AKAP13: variants seen among roughly 807,000 people sequenced by gnomAD.
AKAP13 encodes the protein A-kinase anchoring protein 13.
In AKAP13, 80 loss-of-function variants were observed where a neutral mutation model predicts 264.5. That is an observed-to-expected ratio of 0.30 (90% CI 0.25 to 0.36). AKAP13 has a LOEUF of 0.36. Among genes scored for constraint, AKAP13 ranks in the 10% least tolerant of loss-of-function variants. AKAP13 has a pLI of 1.00. For missense variants in AKAP13, 3,712 were observed against 3,435.2 expected, an observed-to-expected ratio of 1.08 and a Z score of -2.01; for synonymous variants, 1,380 against 1,250.2, an observed-to-expected ratio of 1.10 and a Z score of -2.19.
At chr15:85,549,019 AC>A (rs1327446484) in intron 5 of AKAP13, among the ~76,000 whole-genome samples, 1 of 151,342 alleles carries the variant, frequency 6.6e-6, no homozygotes, top group African/African-American at 2.4e-5. Context: ...CATAAATGTT[AC>A]CCCCATTTCC....
At chr15:85,529,851 T>G (rs1465185273) in intron 3 of AKAP13, among the ~76,000 whole-genome samples, 1 of 152,236 alleles carries the variant, frequency 6.6e-6, no homozygotes, top group Non-Finnish European at 1.5e-5. Flanking sequence ...CCCTCAGGTT[T>G]TCTTTTGAAA....
rs997189473 is a variant in AKAP13, at chr15:85,550,363, C to A, written c.662+6408C>A. Among the ~76,000 whole-genome samples the A allele has an allele frequency of 2.2e-4, 33 of 152,180 alleles. 1 individual carries two copies. The highest frequency in any genetic ancestry group is 9.2e-4 in the Admixed American group (14 of 15,290). On this transcript the variant is annotated intron_variant, in intron 5 of 36. Transcript: ENST00000394518. ...CACATGTGAATGTTGAACACAGACC[C>A]AGCCTGACAAGCTCTAGGTACTCAG...
chr15:85,519,575 C>A (rs542286808), intron 2 of AKAP13, among the ~76,000 whole-genome samples: 3 of 152,180 alleles, frequency 2.0e-5, no homozygotes, highest in Non-Finnish European at 4.4e-5. Flanking sequence ...CACATTTTAC[C>A]AGGCTAAGCT....
chr15:85,505,826 A>G (rs1030154297), intron 2 of AKAP13, among the ~76,000 whole-genome samples: 5 of 152,214 alleles, frequency 3.3e-5, no homozygotes, highest in African/African-American at 4.8e-5. Flanking sequence ...TAAATAAATA[A>G]GGGTGAAGCT....
rs371446767 is a variant in AKAP13, at chr15:85,464,879, CT to C, written c.-11-20830del. On this transcript the variant is annotated intron_variant, in intron 1 of 36. Coordinates refer to ENST00000394518, the MANE Select transcript of AKAP13 (RefSeq NM_007200.5). Reference sequence around the variant, plus strand: ...GATAGGTTAATGATGAAACCAGAGACTAAACTGTAGTTTTCTCCTAAACCTG... The same window carrying C: ...GATAGGTTAATGATGAAACCAGAGACAAACTGTAGTTTTCTCCTAAACCTG... Among the ~76,000 whole-genome samples, 181 of 152,290 alleles carry C rather than the reference CT, an allele frequency of 1.2e-3. 1 individual carries two copies. The highest frequency in any genetic ancestry group is 4.2e-3 in the African/African-American group (176 of 41,572).
intron 8 of AKAP13, among the ~76,000 whole-genome samples, chr15:85,630,186 CACACACACACACACACACACACATCAT>C (rs1186995198): frequency 3.0e-4 from 23 of 76,848 alleles, no homozygotes; most frequent in African/African-American, 1.2e-3. Flanking sequence ...CACACACACA[CACACACACACACACACACACACATCAT>C]GAACTAAGAT....
intron 17 of AKAP13, among the ~76,000 whole-genome samples, chr15:85,700,690 C>A (rs922778864): frequency 2.0e-5 from 3 of 152,192 alleles, no homozygotes; most frequent in Admixed American, 1.3e-4. Context: ...AACGTACCTT[C>A]TTAAAGGTAT....
At chr15:85,402,988 G>A (rs2071495828) in intron 1 of AKAP13, among the ~76,000 whole-genome samples, 3 of 152,200 alleles carry the variant, frequency 2.0e-5, no homozygotes, top group Admixed American at 2.0e-4. Context: ...TAATAAAAGT[G>A]ATTAGCAACG....
At chr15:85,426,154 T>C (rs1036750615) in intron 1 of AKAP13, among the ~76,000 whole-genome samples, 1 of 152,238 alleles carries the variant, frequency 6.6e-6, no homozygotes, top group African/African-American at 2.4e-5. Context: ...ATTCATGTTA[T>C]GGAAATCTTC....
At chr15:85,384,639 C>T (rs1406514447) in intron 1 of AKAP13, among the ~76,000 whole-genome samples, 2 of 151,664 alleles carry the variant, frequency 1.3e-5, no homozygotes, top group Non-Finnish European at 2.9e-5. Flanking sequence ...ATCGCTTGAA[C>T]CCGGGAGGTG....
At chr15:85,483,639 A>AAAAAAAAAC (rs2075422917) in intron 1 of AKAP13, among the ~76,000 whole-genome samples, 2 of 122,224 alleles carry the variant, frequency 1.6e-5, no homozygotes, top group Non-Finnish European at 4.0e-5. Flanking sequence ...TCTCAAAAAA[A>AAAAAAAAAC]AAAAAAAAAA....
intron 2 of AKAP13, among the ~76,000 whole-genome samples, chr15:85,513,595 T>C (rs1179756720): frequency 1.3e-5 from 2 of 152,206 alleles, no homozygotes; most frequent in Non-Finnish European, 2.9e-5. Flanking sequence ...TTTTCCTTAA[T>C]TATCTGTCAG....
chr15:85,542,565 G>A lies in AKAP13; in HGVS notation c.479-1207G>A, dbSNP rs575957005. On this transcript the variant is annotated intron_variant, in intron 4 of 36. Coordinates refer to ENST00000394518, the MANE Select transcript of AKAP13 (RefSeq NM_007200.5). The stretch of plus-strand genomic sequence containing the variant: ...GTGCTTAGTGAAGAAGTTTAGACCC[G>A]TGGGAGGCCATGAAGAAAGAGATGA... 1.6e-4 allele frequency among the ~76,000 whole-genome samples: 25 copies of A among 152,272 alleles called. 1 individual carries two copies. The highest frequency in any genetic ancestry group is 6.2e-4 in the South Asian group (3 of 4,830).
At chr15:85,438,856 A>G (rs1481536114) in intron 1 of AKAP13, among the ~76,000 whole-genome samples, 2 of 150,790 alleles carry the variant, frequency 1.3e-5, no homozygotes, top group Non-Finnish European at 3.0e-5. Flanking sequence ...ACCTAAAACC[A>G]TAAAAACCCT....
intron 1 of AKAP13, among the ~76,000 whole-genome samples, chr15:85,414,475 T>C (rs776482311): frequency 5.8e-4 from 89 of 152,188 alleles, no homozygotes; most frequent in Non-Finnish European, 1.1e-3. Flanking sequence ...AAGGTTTCTA[T>C]ACATACACAA....
intron 1 of AKAP13, among the ~76,000 whole-genome samples, chr15:85,483,643 A>ACAAAAAC (rs1230625054): frequency 8.1e-5 from 12 of 148,596 alleles, no homozygotes; most frequent in South Asian, 2.1e-4. Context: ...AAAAAAAAAA[A>ACAAAAAC]AAAAAAAACA....
intron 1 of AKAP13, among the ~76,000 whole-genome samples, chr15:85,398,333 G>A (rs1302819019): frequency 6.6e-6 from 1 of 152,068 alleles, no homozygotes; most frequent in African/African-American, 2.4e-5. Context: ...AGTTCCTCTA[G>A]AAATTTAGGA....
chr15:85,692,001 A>AT (rs974859906), intron 16 of AKAP13: 31 of 409,708 alleles, frequency 7.6e-5, no homozygotes, highest in Middle Eastern at 7.1e-4. Context: ...CTGGAACCCC[A>AT]TTTTTTTAAA....
At chr15:85,401,669 AC>A (rs1407269567) in intron 1 of AKAP13, among the ~76,000 whole-genome samples, 2 of 152,222 alleles carry the variant, frequency 1.3e-5, no homozygotes, top group Non-Finnish European at 2.9e-5. Context: ...TAGCAGGTCA[AC>A]CAACAAATAG....
Sources: gnomAD v4.1 joint callset for allele counts (sites outside exome capture counted in the v4.1 genomes callset) on GRCh38, gnomAD v4.1.1 for gene constraint, MANE v1.5 for transcripts, NCBI Gene and HGNC (gene_info 2026-07-23, HGNC 2026-07-21) for gene names.